The following GPC5 variants were observed in gnomAD, a reference collection of about 807,000 sequenced individuals.
GPC5 encodes glypican-5.
In GPC5, 47 loss-of-function variants were observed where a neutral mutation model predicts 53.9. The ratio of observed to expected loss-of-function variants is 0.87; its 90% CI spans 0.69 to 1.11. The LOEUF (loss-of-function observed/expected upper bound fraction) is 1.11, where lower values mean the gene tolerates loss of function less well. Among genes scored for constraint, GPC5 ranks in the 50% most tolerant of loss-of-function variants. GPC5 has a pLI of 0.00. For synonymous variants in GPC5, 286 were observed against 263.3 expected (o/e 1.09, Z -0.84); for missense variants, 748 against 713.1 (o/e 1.05, Z -0.56).
chr13:92,626,578 C>T (rs985216116), intron 7 of GPC5, among the ~76,000 whole-genome samples: 8 of 152,096 alleles, frequency 5.3e-5, no homozygotes. Flanking sequence ...AGAGATCTTT[C>T]GTAAAGAACT....
At chr13:91,615,212 T>TA (rs1034978394) in intron 2 of GPC5, among the ~76,000 whole-genome samples, 1 of 152,136 alleles carries the variant, frequency 6.6e-6, no homozygotes, top group African/African-American at 2.4e-5. Flanking sequence ...TCTGTATGAG[T>TA]AGTTTAATGA....
Position 91,504,427 on chromosome 13 carries a change from T to C in GPC5, c.325+55505T>C, listed in dbSNP as rs149002127. Among the ~76,000 whole-genome samples, 496 of 152,200 alleles carry C rather than the reference T, an allele frequency of 3.3e-3. 3 individuals carry two copies. The highest frequency in any genetic ancestry group is 0.011 in the African/African-American group (472 of 41,550). Reference sequence around the variant, plus strand: ...AATATTTTGGATAAATATATTGAAGTTATAGTTATTAGACAGTAGAATTAT... The same window carrying C: ...AATATTTTGGATAAATATATTGAAGCTATAGTTATTAGACAGTAGAATTAT... On this transcript the variant is annotated intron_variant, in intron 2 of 7. Coordinates refer to ENST00000377067, the MANE Select transcript of GPC5 (RefSeq NM_004466.6).
chr13:92,236,907 C>T (rs1254549406), intron 7 of GPC5, among the ~76,000 whole-genome samples: 1 of 151,752 alleles, frequency 6.6e-6, no homozygotes, highest in Non-Finnish European at 1.5e-5. Context: ...TTTCTCAAAT[C>T]ATTGACCTTG....
intron 6 of GPC5, among the ~76,000 whole-genome samples, chr13:91,964,316 C>G (rs756620502): frequency 6.6e-6 from 1 of 152,106 alleles, no homozygotes; most frequent in African/African-American, 2.4e-5. Flanking sequence ...GTGTGGGCTC[C>G]GTGGCCTGCT....
chr13:91,860,117 A>G (rs1188998060), intron 5 of GPC5, among the ~76,000 whole-genome samples: 1 of 152,128 alleles, frequency 6.6e-6, no homozygotes, highest in Non-Finnish European at 1.5e-5. Context: ...ATAATATATT[A>G]TTGTTAACCA....
chr13:91,514,299 G>A (rs1481845917), intron 2 of GPC5, among the ~76,000 whole-genome samples: 2 of 152,102 alleles, frequency 1.3e-5, no homozygotes, highest in Non-Finnish European at 2.9e-5. Context: ...GAGTATGAGT[G>A]AGCCAACATT....
Position 91,398,917 on chromosome 13 carries a change from C to T in GPC5, c.-130C>T. On this transcript the variant is annotated 5_prime_UTR_variant, in exon 1 of 8. Coordinates refer to ENST00000377067, the MANE Select transcript of GPC5 (RefSeq NM_004466.6). ...GGTGAAGCCGGTGCCCGCGGGCGGT[C>T]CGTACACCCCGCAGCCGGCTCGCAC... is the stretch of plus-strand genomic sequence containing the variant. The T allele has an allele frequency of 8.2e-7, 1 of 1,225,030 alleles. No individual in the cohort carries two copies. Among genetic ancestry groups the T allele is most frequent in the African/African-American group, 1.5e-5 (1 of 64,858 alleles). 75.9% of individuals were successfully genotyped at this position (1,225,030 alleles called of 1,614,324 possible).
At chr13:92,212,807 G>A (rs1472240426) in intron 7 of GPC5, among the ~76,000 whole-genome samples, 1 of 152,138 alleles carries the variant, frequency 6.6e-6, no homozygotes, top group Admixed American at 6.5e-5. Context: ...GACTTTACCT[G>A]GCAGAGTAGG....
intron 7 of GPC5, among the ~76,000 whole-genome samples, chr13:92,743,207 C>T (rs574713916): frequency 4.9e-4 from 75 of 152,208 alleles, no homozygotes; most frequent in African/African-American, 1.7e-3. Flanking sequence ...TTGATTCTTC[C>T]TATCCATGAG....
chr13:92,378,246 T>A (rs1040751536), intron 7 of GPC5, among the ~76,000 whole-genome samples: 1 of 152,154 alleles, frequency 6.6e-6, no homozygotes, highest in African/African-American at 2.4e-5. Context: ...GTATTCTTGA[T>A]AATAAATGTG....
At chr13:92,186,980 T>C (rs1280915720) in intron 7 of GPC5, among the ~76,000 whole-genome samples, 1 of 151,992 alleles carries the variant, frequency 6.6e-6, no homozygotes, top group African/African-American at 2.4e-5. Flanking sequence ...GGCGTGTTAG[T>C]GCACACCTGT....
intron 7 of GPC5, among the ~76,000 whole-genome samples, chr13:92,514,795 C>A (rs1319448044): frequency 6.6e-6 from 1 of 152,088 alleles, no homozygotes; most frequent in Non-Finnish European, 1.5e-5. Flanking sequence ...ACAAATAACC[C>A]GTAAGACCCA....
At chr13:91,676,081 T>C (rs2035375385) in intron 2 of GPC5, among the ~76,000 whole-genome samples, 1 of 152,156 alleles carries the variant, frequency 6.6e-6, no homozygotes, top group South Asian at 2.1e-4. Flanking sequence ...TGTTTGTTTT[T>C]GTTTTTTGAG....
At chr13:92,465,071 A>G (rs1422803929) in intron 7 of GPC5, among the ~76,000 whole-genome samples, 1 of 152,032 alleles carries the variant, frequency 6.6e-6, no homozygotes, top group East Asian at 1.9e-4. Context: ...GGGAAGCCAG[A>G]ATTTGCAAAA....
intron 5 of GPC5, among the ~76,000 whole-genome samples, chr13:91,821,238 G>A (rs1328079188): frequency 2.0e-5 from 3 of 152,050 alleles, no homozygotes; most frequent in Non-Finnish European, 4.4e-5. Context: ...GATATTCACT[G>A]TTACTATTGT....
At chr13:92,339,345 T>C (rs2043347541) in intron 7 of GPC5, among the ~76,000 whole-genome samples, 1 of 152,046 alleles carries the variant, frequency 6.6e-6, no homozygotes, top group Admixed American at 6.6e-5. Flanking sequence ...CAGTTATGAA[T>C]ATTTACTTTG....
At chr13:92,325,891 G>C (rs905752679) in intron 7 of GPC5, among the ~76,000 whole-genome samples, 7 of 152,054 alleles carry the variant, frequency 4.6e-5, no homozygotes, top group African/African-American at 1.7e-4. Context: ...CTATACTTTT[G>C]GGATTGATGG....
chr13:91,855,756 C>T (rs1373411117), intron 5 of GPC5, among the ~76,000 whole-genome samples: 1 of 151,464 alleles, frequency 6.6e-6, no homozygotes, highest in Non-Finnish European at 1.5e-5. Context: ...TGACCTATAC[C>T]TTAAATATTA....
At chr13:92,563,323 T>A (rs1289944261) in intron 7 of GPC5, among the ~76,000 whole-genome samples, 1 of 151,766 alleles carries the variant, frequency 6.6e-6, no homozygotes, top group Non-Finnish European at 1.5e-5. Flanking sequence ...AATTGTTCTA[T>A]CTAAGCTTTT....
Sources: allele counts gnomAD v4.1 joint callset (sites outside exome capture counted in the v4.1 genomes callset), GRCh38; gene constraint gnomAD v4.1.1; transcripts MANE v1.5; gene names NCBI Gene and HGNC (gene_info 2026-07-23, HGNC 2026-07-21).